Variants in TLK1 observed in about 807,000 individuals in gnomAD.
TLK1 encodes the protein serine/threonine-protein kinase tousled-like 1.
A neutral mutation model predicts 105.3 loss-of-function variants in TLK1; 24 were observed. The observed-to-expected ratio is 0.23, with a 90% CI of 0.17 to 0.32. TLK1 has a LOEUF of 0.32. Ranked by LOEUF, TLK1 falls within the 10% of genes least tolerant of loss-of-function variation. The pLI is 1.00. For synonymous variants in TLK1, 321 were observed against 310.4 expected, an observed-to-expected ratio of 1.03 and a Z score of -0.36; for missense variants, 558 against 910.5, an observed-to-expected ratio of 0.61 and a Z score of 4.98.
At chr2:171,039,446 T>G (rs963310858) in intron 11 of TLK1, among the ~76,000 whole-genome samples, 5 of 152,082 alleles carry the variant, frequency 3.3e-5, no homozygotes, top group African/African-American at 1.2e-4. Flanking sequence ...TTAGTAGAGA[T>G]GGGTTTTTGC....
rs372344910 is a variant in TLK1 at position 171,061,126 on chromosome 2, T to C, written c.361A>G (p.Arg121Gly). 2 of 1,613,632 alleles carry C rather than the reference T, an allele frequency of 1.2e-6. No individual in the cohort carries two copies. The highest frequency in any genetic ancestry group is 1.7e-6 in the Non-Finnish European group (2 of 1,179,750). ...TTTTCTGCTTTTCTCTTTCTTCCCC[T>C]GGATGATTCCGATTGTTTCTTCTCC... ...TPEKKQSESS[R>G]GRKRKAENQN... Residue 121 changes from arginine (R) to glycine (G), a missense_variant, in exon 4 of 21, where the codon AGG becomes GGG. Arg to Gly is a moderately radical substitution (Grantham distance 125, BLOSUM62 -2). This residue lies in a region of TLK1 where 13 missense variants were observed against 39.9 expected (regional missense o/e 0.33). Transcript: ENST00000431350.
chr2:171,049,833 C>T lies in TLK1; in HGVS notation c.961G>A (p.Ala321Thr). 2.5e-6 allele frequency: 4 copies of T among 1,613,734 alleles called. No homozygotes were observed. Among genetic ancestry groups the T allele is most frequent in the Non-Finnish European group, 3.4e-6 (4 of 1,179,850 alleles). The change falls in exon 10 of 21, where the codon GCA (alanine) becomes ACA (threonine). Residue 321 changes from alanine (A) to threonine (T), a missense_variant. By Grantham distance (58) the Ala-to-Thr change is moderately conservative. Transcript: ENST00000431350. ...ACTAACTTCACAAGATTCTGAAATG[C>T]AAAACCATCTGTCCATTGTTCAGTA... is the stretch of plus-strand genomic sequence containing the variant. The part of the protein sequence containing the change: ...SFTEQWTDGF[A>T]FQNLVKQQEW...
intron 1 of TLK1, among the ~76,000 whole-genome samples, chr2:171,144,319 A>T (rs1245601889): frequency 6.6e-6 from 1 of 151,838 alleles, no homozygotes; most frequent in Non-Finnish European, 1.5e-5. Context: ...ATAATCAACT[A>T]GATGGAAAAG....
intron 8 of TLK1, among the ~76,000 whole-genome samples, chr2:171,052,188 A>C (rs562390065): frequency 1.3e-5 from 2 of 151,962 alleles, no homozygotes; most frequent in African/African-American, 4.8e-5. Context: ...TAAACCCGGG[A>C]GTTTGAGGCT....
intron 1 of TLK1, among the ~76,000 whole-genome samples, chr2:171,145,072 G>C (rs180706306): frequency 6.6e-6 from 1 of 152,318 alleles, no homozygotes; most frequent in African/African-American, 2.4e-5. Flanking sequence ...ACTTTAGGAA[G>C]CCAAGATGGG....
At chr2:171,005,548 G>A (rs1684612572) in intron 18 of TLK1, among the ~76,000 whole-genome samples, 1 of 152,088 alleles carries the variant, frequency 6.6e-6, no homozygotes, top group Non-Finnish European at 1.5e-5. Context: ...GACCAGCCTG[G>A]GCAACAAATT....
chr2:171,076,224 C>T (rs527892736), intron 3 of TLK1, among the ~76,000 whole-genome samples: 75 of 144,172 alleles, frequency 5.2e-4, no homozygotes, highest in African/African-American at 1.8e-3. Context: ...TCTCGGAGGG[C>T]GGGGGGAGAA....
intron 3 of TLK1, among the ~76,000 whole-genome samples, chr2:171,069,981 G>T (rs890409766): frequency 6.6e-6 from 1 of 152,186 alleles, no homozygotes; most frequent in African/African-American, 2.4e-5. Context: ...GGAAATGCTA[G>T]CAAGTGAGAT....
upstream of TLK1, among the ~76,000 whole-genome samples, chr2:171,161,614 C>A (rs577751911): frequency 6.6e-6 from 1 of 152,236 alleles, no homozygotes; most frequent in African/African-American, 2.4e-5. Context: ...TGTTTTAAAA[C>A]AGTAAGTGGA....
chr2:171,144,929 A>G (rs1490400597), intron 1 of TLK1, among the ~76,000 whole-genome samples: 2 of 152,240 alleles, frequency 1.3e-5, no homozygotes, highest in Admixed American at 1.3e-4. Flanking sequence ...GCACTTCACA[A>G]AGGATAACGA....
intron 1 of TLK1, among the ~76,000 whole-genome samples, chr2:171,148,198 A>C (rs1691870076): frequency 6.6e-6 from 1 of 152,150 alleles, no homozygotes; most frequent in Non-Finnish European, 1.5e-5. Context: ...CAGCAGCTGC[A>C]TACTGTAAAG....
chr2:171,081,642 C>T, intron 3 of TLK1: 1 of 1,303,884 alleles, frequency 7.7e-7, no homozygotes, highest in South Asian at 1.2e-5. Context: ...ACGCTTACCT[C>T]AAGGGAACCT....
At chr2:171,075,467 TTTGA>T (rs1467323395) in intron 3 of TLK1, among the ~76,000 whole-genome samples, 2 of 152,174 alleles carry the variant, frequency 1.3e-5, no homozygotes, top group Non-Finnish European at 2.9e-5. Context: ...CTTGTTCAAA[TTTGA>T]TTGAGATTAT....
chr2:171,027,358 G>C (rs925130099), intron 12 of TLK1, among the ~76,000 whole-genome samples: 2 of 151,796 alleles, frequency 1.3e-5, no homozygotes, highest in Non-Finnish European at 2.9e-5. Flanking sequence ...TAATTTTGAG[G>C]GAAAAAAACC....
At chr2:171,215,425 G>A (rs1363364206) in intron 1 of TLK1, among the ~76,000 whole-genome samples, 2 of 145,916 alleles carry the variant, frequency 1.4e-5, no homozygotes, top group Non-Finnish European at 3.0e-5. Context: ...AGCGATCTGA[G>A]GGAATCAAGT....
intron 18 of TLK1, among the ~76,000 whole-genome samples, chr2:171,005,462 C>T (rs553628089): frequency 1.3e-5 from 2 of 152,298 alleles, no homozygotes; most frequent in African/African-American, 4.8e-5. Context: ...ACAAAAACCA[C>T]CAGCCAGGTG....
chr2:171,142,761 T>C (rs927173008), intron 1 of TLK1, among the ~76,000 whole-genome samples: 2 of 152,202 alleles, frequency 1.3e-5, no homozygotes, highest in East Asian at 1.9e-4. Flanking sequence ...ATAGAACATA[T>C]TACACCACAT....
intron 3 of TLK1, among the ~76,000 whole-genome samples, chr2:171,070,893 T>C (rs1269529870): frequency 6.6e-6 from 1 of 152,190 alleles, no homozygotes. Flanking sequence ...CTACCAACAG[T>C]GTATGAGGTT....
At position 170,993,527 on chromosome 2, in the gene TLK1, G is replaced by A. The variant is rs1305137461; in HGVS notation, c.*253C>T. 6 of 341,224 alleles carry A rather than the reference G, an allele frequency of 1.8e-5. No individual in the cohort carries two copies. The highest frequency in any genetic ancestry group is 1.0e-5 in the Non-Finnish European group (2 of 193,032). The allele number at this position is 341,224 out of a possible 1,614,324, so 21.1% of individuals were successfully genotyped here. Reference sequence around the variant, plus strand: ...ATCTTAACATGGTATTCCTGTTTCTGTGTAACAGGCAGTCATCCTTCCTTC... The same window carrying A: ...ATCTTAACATGGTATTCCTGTTTCTATGTAACAGGCAGTCATCCTTCCTTC... On this transcript the variant is annotated 3_prime_UTR_variant, in exon 21 of 21. Transcript: ENST00000431350.
Sources: allele counts gnomAD v4.1 joint callset (sites outside exome capture counted in the v4.1 genomes callset), GRCh38; gene constraint gnomAD v4.1.1; regional missense constraint gnomAD v4.1.1; transcripts MANE v1.5; gene names NCBI Gene and HGNC (gene_info 2026-07-23, HGNC 2026-07-21).